GEMIN2: variants seen among roughly 807,000 people sequenced by gnomAD.
GEMIN2 encodes the protein gem nuclear organelle associated protein 2.
GEMIN2 carries 37 observed loss-of-function variants against 45.8 expected under a neutral mutation model. That is an observed-to-expected ratio of 0.81 (90% CI 0.62 to 1.06). The LOEUF (loss-of-function observed/expected upper bound fraction) is 1.06, where lower values mean the gene tolerates loss of function less well. GEMIN2 is among the 50% of genes least tolerant of loss of function. GEMIN2 has a pLI of 0.00. For synonymous variants in GEMIN2, 101 were observed against 111.5 expected, an observed-to-expected ratio of 0.91 and a Z score of 0.60; for missense variants, 335 against 321.8, an observed-to-expected ratio of 1.04 and a Z score of -0.31.
At chr14:39,118,119 C>T (rs748900941) in intron 3 of GEMIN2, 31 bp downstream of exon 3, 11 of 1,155,898 alleles carry the variant, frequency 9.5e-6, no homozygotes, top group African/African-American at 1.5e-5. Context: ...AATTAAGCCC[C>T]TGTTGGATTT....
intron 2 of GEMIN2, among the ~76,000 whole-genome samples, chr14:39,115,456 CTT>C (rs35142656): frequency 2.2e-4 from 27 of 123,836 alleles, no homozygotes; most frequent in African/African-American, 7.1e-4. Context: ...ATGTCTTACA[CTT>C]TTTTTTTTTT....
At chr14:39,135,048 G>A (rs1462611296) in intron 9 of GEMIN2, among the ~76,000 whole-genome samples, 1 of 151,970 alleles carries the variant, frequency 6.6e-6, no homozygotes, top group Non-Finnish European at 1.5e-5. Context: ...TACAGATAAT[G>A]ACACAGATTC....
rs750795335 is a variant in GEMIN2 at position 39,133,716 on chromosome 14, G to A, written c.767G>A (p.Ser256Asn). Residue 256 changes from serine to asparagine, a missense_variant, in exon 9 of 10, where the codon AGC (serine) becomes AAC (asparagine). Transcript: ENST00000308317. ...PALNLLICLV[S>N]RYFDQRDLAD... ...TTGAATTTATTAATCTGCTTGGTTAGCAGGTATAGTTAATCCTTGGCTTCT... is the reference window on the plus strand; with the variant it reads ...TTGAATTTATTAATCTGCTTGGTTAACAGGTATAGTTAATCCTTGGCTTCT... 9 of 1,501,852 alleles carry A rather than the reference G, an allele frequency of 6.0e-6. No homozygotes were observed. The African/African-American group carries it at 9.9e-5, about 16-fold the overall frequency. 93.0% of individuals were successfully genotyped at this position (1,501,852 alleles called of 1,614,324 possible).
At chr14:39,134,784 T>C (rs1210062446) in intron 9 of GEMIN2, among the ~76,000 whole-genome samples, 1 of 152,126 alleles carries the variant, frequency 6.6e-6, no homozygotes, top group African/African-American at 2.4e-5. Flanking sequence ...AGCTAGTAAG[T>C]GTTAGAGTAA....
intron 4 of GEMIN2, among the ~76,000 whole-genome samples, chr14:39,121,647 T>G (rs2052574081): frequency 6.6e-6 from 1 of 152,196 alleles, no homozygotes; most frequent in Non-Finnish European, 1.5e-5. Context: ...AGAAATGTAT[T>G]TATTTTCTCA....
At chr14:39,123,903 T>C (rs1194437809) in intron 5 of GEMIN2, among the ~76,000 whole-genome samples, 1 of 150,640 alleles carries the variant, frequency 6.6e-6, no homozygotes, top group Non-Finnish European at 1.5e-5. Context: ...AAATTTTTTG[T>C]AGCGATAAGT....
intron 9 of GEMIN2, among the ~76,000 whole-genome samples, chr14:39,134,718 T>C (rs2052761511): frequency 6.6e-6 from 1 of 152,166 alleles, no homozygotes; most frequent in Non-Finnish European, 1.5e-5. Context: ...TGTTAACAGT[T>C]TACAGATGAG....
chr14:39,116,177 A>C (rs2052503566), intron 2 of GEMIN2, among the ~76,000 whole-genome samples: 1 of 151,780 alleles, frequency 6.6e-6, no homozygotes, highest in Non-Finnish European at 1.5e-5. Flanking sequence ...CTAGGATTAC[A>C]GGCGTGTGCC....
chr14:39,132,982 GTGTGTGTGTGTGTGTGTGTATATATA>G lies in GEMIN2; in HGVS notation c.712-651_712-626del, dbSNP rs1251929888. Reference sequence around the variant, plus strand: ...GCATGAGCTACTGCACCTGGTGTGTGTGTGTGTGTGTGTGTGTGTATATATATGTGTGTGTGTGTGTGTGTATATAT... The same window carrying G: ...GCATGAGCTACTGCACCTGGTGTGTGTGTGTGTGTGTGTGTGTGTATATAT... On this transcript the variant is annotated intron_variant, in intron 8 of 9. Coordinates refer to ENST00000308317, the MANE Select transcript of GEMIN2 (RefSeq NM_003616.3). Among the ~76,000 whole-genome samples, 114 of 119,160 alleles carry G rather than the reference GTGTGTGTGTGTGTGTGTGTATATATA, an allele frequency of 9.6e-4. 1 individual carries two copies. In the Middle Eastern group the frequency reaches 0.025, roughly 26 times the overall value. 78.2% of individuals were successfully genotyped at this position (119,160 alleles called of 152,430 possible).
intron 4 of GEMIN2, 50 bp from the exon 5 acceptor site, chr14:39,122,380 T>G (rs994351032): frequency 1.3e-5 from 12 of 904,942 alleles, no homozygotes; most frequent in Non-Finnish European, 2.1e-5. Flanking sequence ...TACTGTTCAG[T>G]GTAAAAATTA....
In GEMIN2 at chr14:39,118,614, C is replaced by G; in HGVS notation, c.372+15C>G. The G allele has an allele frequency of 8.2e-7, 1 of 1,226,260 alleles. No individual in the cohort carries two copies. 76.0% of individuals were successfully genotyped at this position (1,226,260 alleles called of 1,614,324 possible). Reference sequence around the variant, plus strand: ...ATGTGACAATGGTATGTAAGTTTCTCAGTTTTAAGATGTACAATGTATACC... The same window carrying G: ...ATGTGACAATGGTATGTAAGTTTCTGAGTTTTAAGATGTACAATGTATACC... On this transcript the variant is annotated intron_variant, in intron 4 of 9. Coordinates refer to ENST00000308317, the MANE Select transcript of GEMIN2 (RefSeq NM_003616.3).
Position 39,128,264 on chromosome 14 carries a change from C to CT in GEMIN2, c.532-15dup. The CT allele has an allele frequency of 7.0e-7, 1 of 1,421,842 alleles. No individual in the cohort carries two copies. Among genetic ancestry groups the CT allele is most frequent in the Non-Finnish European group, 9.8e-7 (1 of 1,024,718 alleles). The allele number at this position is 1,421,842 out of a possible 1,614,324, so 88.1% of individuals were successfully genotyped here. ...TATTAATACAACTCTTCTCCACCCC[C>CT]TCTTTTTTTTTTTAGGCAACAGTAA... On this transcript the variant is annotated splice_polypyrimidine_tract_variant and intron_variant, in intron 6 of 9. Transcript: ENST00000308317.
In GEMIN2 at chr14:39,136,525, C is replaced by T; in HGVS notation, c.*46C>T. 6.6e-7 allele frequency: 1 copy of T among 1,510,402 alleles called. No homozygotes were observed. Among genetic ancestry groups the T allele is most frequent in the Non-Finnish European group, 9.2e-7 (1 of 1,091,468 alleles). The allele number at this position is 1,510,402 out of a possible 1,614,324, so 93.6% of individuals were successfully genotyped here. A position where few individuals can be genotyped will look rare whatever the true frequency, so the allele number is the denominator to read the frequency against. ...TAGAAGATATTTCTCATGAAGGCAGCCTAACTCTGAGGAAAACAATGCCAA... is the reference window on the plus strand; with the variant it reads ...TAGAAGATATTTCTCATGAAGGCAGTCTAACTCTGAGGAAAACAATGCCAA... On this transcript the variant is annotated 3_prime_UTR_variant, in exon 10 of 10. Coordinates refer to ENST00000308317, the MANE Select transcript of GEMIN2 (RefSeq NM_003616.3).
chr14:39,134,110 T>C (rs1400950687), intron 9 of GEMIN2: 1 of 154,504 alleles, frequency 6.5e-6, no homozygotes, highest in South Asian at 2.1e-4. Flanking sequence ...CATTTTTGTT[T>C]AATTGCCTGT....
At chr14:39,126,396 T>G (rs983559247) in intron 6 of GEMIN2, among the ~76,000 whole-genome samples, 6 of 152,056 alleles carry the variant, frequency 3.9e-5, no homozygotes, top group Admixed American at 1.3e-4. Context: ...TCCAGGCTGG[T>G]CTGGAACTCC....
chr14:39,122,192 C>A (rs971068725), intron 4 of GEMIN2, among the ~76,000 whole-genome samples: 1 of 152,022 alleles, frequency 6.6e-6, no homozygotes, highest in Non-Finnish European at 1.5e-5. Context: ...ACCCTAATGG[C>A]CTCAATTTAA....
chr14:39,118,548 C>A lies in GEMIN2; in HGVS notation c.321C>A (p.Asn107Lys), dbSNP rs1199731827. 7.6e-6 allele frequency: 11 copies of A among 1,455,864 alleles called. No homozygotes were observed. The highest frequency in any genetic ancestry group is 1.4e-5 in the African/African-American group (1 of 72,024). 90.2% of individuals were successfully genotyped at this position (1,455,864 alleles called of 1,614,324 possible). A position where few individuals can be genotyped will look rare whatever the true frequency, so the allele number is the denominator to read the frequency against. Residue 107 changes from asparagine to lysine, a missense_variant, in exon 4 of 10, where the codon AAC (asparagine) becomes AAA (lysine). Transcript: ENST00000308317. ...AAGTTTTCTTCCTTTAGAATGTGAACAAACATAGAAGTCACTGGAAATCAC... is the reference window on the plus strand; with the variant it reads ...AAGTTTTCTTCCTTTAGAATGTGAAAAAACATAGAAGTCACTGGAAATCAC... ...AQFSTVRQNVNKHRSHWKSQQ... is the reference protein window; with the variant it reads ...AQFSTVRQNVKKHRSHWKSQQ...
intron 2 of GEMIN2, among the ~76,000 whole-genome samples, chr14:39,117,771 G>C (rs964369552): frequency 6.6e-6 from 1 of 151,728 alleles, no homozygotes; most frequent in African/African-American, 2.4e-5. Flanking sequence ...AACCTTTCCA[G>C]ATTTCTCTGA....
At chr14:39,115,045 TGTACTTTTTCCTTCAGAAAGA>T (rs2052483968) in intron 2 of GEMIN2, 132 bp downstream of exon 2, 7 of 625,146 alleles carry the variant, frequency 1.1e-5, no homozygotes, top group Middle Eastern at 5.1e-4. Context: ...GACATTCGCT[TGTACTTTTTCCTTCAGAAAGA>T]CAATTGGCAT....
Sources: gnomAD v4.1 joint callset for allele counts (sites outside exome capture counted in the v4.1 genomes callset) on GRCh38, gnomAD v4.1.1 for gene constraint, MANE v1.5 for transcripts, NCBI Gene and HGNC (gene_info 2026-07-23, HGNC 2026-07-21) for gene names.